Variants in HFM1 observed in about 807,000 individuals in gnomAD.
HFM1 encodes the protein helicase for meiosis 1.
In HFM1, 169 loss-of-function variants were observed where a neutral mutation model predicts 192.1. The ratio of observed to expected loss-of-function variants is 0.88; its 90% CI spans 0.78 to 1.00. The LOEUF (loss-of-function observed/expected upper bound fraction) is 1.00, where lower values mean the gene tolerates loss of function less well. Ranked by LOEUF, HFM1 falls within the 50% of genes least tolerant of loss-of-function variation. The pLI is 0.00. For missense variants in HFM1, 1,661 were observed against 1,668.0 expected, an observed-to-expected ratio of 1.00 and a Z score of 0.07; for synonymous variants, 525 against 537.8, an observed-to-expected ratio of 0.98 and a Z score of 0.33.
intron 20 of HFM1, among the ~76,000 whole-genome samples, chr1:91,341,880 G>T (rs1457933850): frequency 6.6e-6 from 1 of 151,664 alleles, no homozygotes; most frequent in East Asian, 1.9e-4. Flanking sequence ...AACCTCCCAA[G>T]GTTGATCCAG....
At chr1:91,302,646 C>A (rs995452424) in intron 30 of HFM1, among the ~76,000 whole-genome samples, 1 of 151,970 alleles carries the variant, frequency 6.6e-6, no homozygotes, top group Admixed American at 6.6e-5. Flanking sequence ...ACATGGATGA[C>A]GCTGGAAACC....
chr1:91,292,227 A>G (rs1416433081), intron 30 of HFM1, among the ~76,000 whole-genome samples: 1 of 149,162 alleles, frequency 6.7e-6, no homozygotes, highest in Non-Finnish European at 1.5e-5. Context: ...GAAGGAAATA[A>G]AGAGTATTCG....
intron 20 of HFM1, among the ~76,000 whole-genome samples, chr1:91,334,168 T>C (rs1057330362): frequency 6.6e-6 from 1 of 152,118 alleles, no homozygotes; most frequent in Non-Finnish European, 1.5e-5. Context: ...GGCTTGACAG[T>C]GATTATGAGT....
intron 20 of HFM1, among the ~76,000 whole-genome samples, chr1:91,337,077 T>C (rs1654692063): frequency 6.6e-6 from 1 of 152,044 alleles, no homozygotes; most frequent in African/African-American, 2.4e-5. Context: ...TTGGGGTCTG[T>C]TGGGGAGGGC....
rs368042916 is a variant in HFM1, at chr1:91,291,852, C to T, written c.3392-14790G>A. ...AGCAGCACATCAAAAAGCTTACCCA[C>T]CATGATCAAGTGGGCTTCATCCCTG... On this transcript the variant is annotated intron_variant, in intron 30 of 38. Transcript: ENST00000370425. Among the ~76,000 whole-genome samples the T allele has an allele frequency of 9.2e-5, 14 of 152,198 alleles. No individual in the cohort carries two copies. In the East Asian group the frequency reaches 1.9e-3, roughly 21 times the overall value.
At chr1:91,313,320 A>T in intron 30 of HFM1, 29 bp downstream of exon 30, 6 of 1,386,118 alleles carry the variant, frequency 4.3e-6, no homozygotes, top group Non-Finnish European at 6.0e-6. Context: ...TTGCTTTAAT[A>T]TAAAATAGGA....
chr1:91,385,063 C>CA lies in HFM1; in HGVS notation c.802+123dup. 3 of 696,178 alleles carry CA rather than the reference C, an allele frequency of 4.3e-6. 1 individual carries two copies. The highest frequency in any genetic ancestry group is 7.3e-6 in the Non-Finnish European group (3 of 412,676). 43.1% of individuals were successfully genotyped at this position (696,178 alleles called of 1,614,324 possible). A position where few individuals can be genotyped will look rare whatever the true frequency, so the allele number is the denominator to read the frequency against. On this transcript the variant is annotated intron_variant, in intron 6 of 38. Transcript: ENST00000370425. ...CGGCCACATGTACCTCTTACAACACCAAAAAGATTAATTTTTCCCTCTTTT... is the reference window on the plus strand; with the variant it reads ...CGGCCACATGTACCTCTTACAACACCAAAAAAGATTAATTTTTCCCTCTTTT...
intron 34 of HFM1, among the ~76,000 whole-genome samples, chr1:91,270,584 A>G (rs1666197151): frequency 6.6e-6 from 1 of 151,898 alleles, no homozygotes; most frequent in Non-Finnish European, 1.5e-5. Flanking sequence ...TAAAAAAAAA[A>G]AAAAGAAAAA....
In HFM1 at chr1:91,394,054, T is replaced by C. The variant is rs528564767; in HGVS notation, c.494+39A>G. ...TTTTATATGTACAAATATTCAACTT[T>C]ATTCACAGAATATTATTTAGTTTAA... On this transcript the variant is annotated intron_variant, in intron 4 of 38. Coordinates refer to ENST00000370425, the MANE Select transcript of HFM1 (RefSeq NM_001017975.6). 95 of 1,140,108 alleles carry C rather than the reference T, an allele frequency of 8.3e-5. 1 individual carries two copies. In the South Asian group the frequency reaches 1.5e-3, roughly 18 times the overall value. The allele number at this position is 1,140,108 out of a possible 1,614,324, so 70.6% of individuals were successfully genotyped here.
At chr1:91,343,230 C>CAA (rs34902756) in intron 20 of HFM1, among the ~76,000 whole-genome samples, 200 bp downstream of exon 20, 34,026 of 74,256 alleles carry the variant, frequency 0.46, 10,025 homozygotes, top group African/African-American at 0.63. Context: ...GACTCTGTCT[C>CAA]AAAAAAAAAA....
chr1:91,269,490 G>A lies in HFM1; in HGVS notation c.3773-1635C>T, dbSNP rs574692842. On this transcript the variant is annotated intron_variant, in intron 34 of 38. Coordinates refer to ENST00000370425, the MANE Select transcript of HFM1 (RefSeq NM_001017975.6). ...TTCCTCCACTTTAAATATCTTCTAT[G>A]AATTTCTTCACCTGTCCAAACCCTT... Among the ~76,000 whole-genome samples, 166 of 152,186 alleles carry A rather than the reference G, an allele frequency of 1.1e-3. 1 individual carries two copies. Among genetic ancestry groups the A allele is most frequent in the Admixed American group, 2.9e-3 (45 of 15,262 alleles).
At chr1:91,289,788 G>T (rs1308312109) in intron 30 of HFM1, among the ~76,000 whole-genome samples, 2 of 152,184 alleles carry the variant, frequency 1.3e-5, no homozygotes, top group Non-Finnish European at 2.9e-5. Context: ...CAGGGAGGTT[G>T]CAGTGAGCCG....
At chr1:91,407,831 T>A (rs1486144404), upstream of HFM1, among the ~76,000 whole-genome samples, 2 of 152,252 alleles carry the variant, frequency 1.3e-5, no homozygotes, top group Non-Finnish European at 2.9e-5. Flanking sequence ...TGCCATGAGT[T>A]CTAGCTGATG....
In HFM1 at chr1:91,378,466, G is replaced by T. The variant is rs1242922949; in HGVS notation, c.1173C>A (p.Ser391Arg). 1 of 1,599,074 alleles carries T rather than the reference G, an allele frequency of 6.3e-7. No individual in the cohort carries two copies. Among genetic ancestry groups the T allele is most frequent in the Non-Finnish European group, 8.6e-7 (1 of 1,169,118 alleles). The change falls in exon 10 of 39, where the codon AGC (serine) becomes AGA (arginine). Residue 391 changes from serine to arginine, a missense_variant. Transcript: ENST00000370425. ...AGTTGTCTCTCCATTTCCTAGTCAT[G>T]CTATCCCATTTTTCCTAGAGAGAAA... ...IIMTTPEKWD[S>R]MTRKWRDNSL...
At chr1:91,341,718 C>T (rs1440006796) in intron 20 of HFM1, among the ~76,000 whole-genome samples, 1 of 151,348 alleles carries the variant, frequency 6.6e-6, no homozygotes, top group Non-Finnish European at 1.5e-5. Flanking sequence ...AAACAGAAAC[C>T]AGACAAATAA....
chr1:91,360,976 C>T (rs1221348068), intron 13 of HFM1, among the ~76,000 whole-genome samples: 1 of 152,010 alleles, frequency 6.6e-6, no homozygotes, highest in Non-Finnish European at 1.5e-5. Context: ...AGGCAGAAAT[C>T]AAGAAGTTCT....
chr1:91,271,582 G>C (rs913102355), intron 34 of HFM1, among the ~76,000 whole-genome samples: 4 of 152,102 alleles, frequency 2.6e-5, no homozygotes, highest in African/African-American at 4.8e-5. Flanking sequence ...GATGGATAAT[G>C]ATCTTCTAAA....
At chr1:91,319,826 T>C (rs1272404260) in intron 23 of HFM1, among the ~76,000 whole-genome samples, 1 of 152,190 alleles carries the variant, frequency 6.6e-6, no homozygotes. Flanking sequence ...AATAATACAA[T>C]TTGTTTAATC....
In HFM1 at chr1:91,351,534, T is replaced by A. The variant is rs572096998; in HGVS notation, c.2072+15A>T. ...ATTAGCATTAGTATCTTTTTGGAAC[T>A]TTTTTTTATACTACCTGCTTTCTAC... On this transcript the variant is annotated intron_variant, in intron 17 of 38. Transcript: ENST00000370425. The A allele has an allele frequency of 1.5e-6, 2 of 1,342,604 alleles. No individual in the cohort carries two copies. Among genetic ancestry groups the A allele is most frequent in the Non-Finnish European group, 2.1e-6 (2 of 962,730 alleles). The allele number at this position is 1,342,604 out of a possible 1,614,324, so 83.2% of individuals were successfully genotyped here.
Sources: gnomAD v4.1 joint callset for allele counts (sites outside exome capture counted in the v4.1 genomes callset) on GRCh38, gnomAD v4.1.1 for gene constraint, MANE v1.5 for transcripts, NCBI Gene and HGNC (gene_info 2026-07-23, HGNC 2026-07-21) for gene names.